The following DOCK4 variants were observed in gnomAD, a reference collection of about 807,000 sequenced individuals.
DOCK4 encodes dedicator of cytokinesis 4.
DOCK4 carries 97 observed loss-of-function variants against 268.1 expected under a neutral mutation model. The ratio of observed to expected loss-of-function variants is 0.36; its 90% CI spans 0.31 to 0.43. The LOEUF is 0.43. DOCK4 is among the 20% of genes least tolerant of loss of function. The pLI is 1.00. For missense variants in DOCK4, 2,145 were observed against 2,455.7 expected (o/e 0.87, Z 2.67); for synonymous variants, 954 against 887.2 (o/e 1.08, Z -1.34).
At chr7:111,757,424 A>T (rs75523338) in intron 41 of DOCK4, among the ~76,000 whole-genome samples, 3,833 of 152,242 alleles carry the variant, frequency 0.025, 78 homozygotes, top group African/African-American at 0.052. Context: ...TCTGACTATG[A>T]TTTCACTAAA....
intron 8 of DOCK4, 113 bp downstream of exon 8, chr7:111,977,019 T>C (rs1798254904): frequency 1.6e-6 from 2 of 1,269,048 alleles, no homozygotes; most frequent in East Asian, 2.6e-5. Flanking sequence ...GGTGAGAAAA[T>C]TGAAGCTGAC....
chr7:111,977,973 T>TGAGTTCCCACAGGTTGAGGGAGA (rs1156438517), intron 7 of DOCK4, among the ~76,000 whole-genome samples: 1 of 152,176 alleles, frequency 6.6e-6, no homozygotes, highest in Admixed American at 6.5e-5. Context: ...AGACAAGATG[T>TGAGTTCCCACAGGTTGAGGGAGA]GAGTTCCCAC....
intron 41 of DOCK4, among the ~76,000 whole-genome samples, chr7:111,756,282 G>A (rs1797012733): frequency 6.6e-6 from 1 of 152,266 alleles, no homozygotes; most frequent in Admixed American, 6.5e-5. Context: ...TTGGGAGGTG[G>A]AGCTTGCAGT....
chr7:111,743,923 G>A (rs1430343374), intron 44 of DOCK4, among the ~76,000 whole-genome samples: 4 of 152,170 alleles, frequency 2.6e-5, no homozygotes, highest in Non-Finnish European at 5.9e-5. Flanking sequence ...GGGCTAAGGT[G>A]ATCCTCCCAC....
intron 36 of DOCK4, among the ~76,000 whole-genome samples, chr7:111,771,534 A>G (rs1798125611): frequency 1.3e-5 from 2 of 152,328 alleles, no homozygotes; most frequent in South Asian, 2.1e-4. Context: ...CTGAATCACC[A>G]TAACATAGGT....
chr7:111,881,369 C>T (rs773566400), intron 16 of DOCK4, among the ~76,000 whole-genome samples: 3 of 152,120 alleles, frequency 2.0e-5, no homozygotes, highest in African/African-American at 7.2e-5. Flanking sequence ...AAAACTACAA[C>T]GAGATATCAT....
At chr7:111,729,113 T>C (rs1794882979) in intron 52 of DOCK4, among the ~76,000 whole-genome samples, 1 of 152,206 alleles carries the variant, frequency 6.6e-6, no homozygotes, top group South Asian at 2.1e-4. Context: ...TGTGGTATTT[T>C]GTGAGGGAAG....
intron 17 of DOCK4, among the ~76,000 whole-genome samples, chr7:111,876,463 T>C (rs150868913): frequency 1.3e-4 from 20 of 152,270 alleles, no homozygotes; most frequent in African/African-American, 4.6e-4. Flanking sequence ...TTATTTAATA[T>C]AGCATTCGGG....
At chr7:112,100,062 T>G (rs1326038608) in intron 1 of DOCK4, among the ~76,000 whole-genome samples, 1 of 152,178 alleles carries the variant, frequency 6.6e-6, no homozygotes, top group African/African-American at 2.4e-5. Flanking sequence ...TTAACAAAAA[T>G]AAATTCTGAC....
intron 13 of DOCK4, among the ~76,000 whole-genome samples, chr7:111,913,864 AG>A (rs1221792004): frequency 3.3e-5 from 5 of 152,156 alleles, no homozygotes; most frequent in African/African-American, 1.2e-4. Flanking sequence ...CCTGGACAAC[AG>A]AGTGAGACCC....
At chr7:112,150,523 G>T (rs948243604) in intron 1 of DOCK4, among the ~76,000 whole-genome samples, 2 of 152,102 alleles carry the variant, frequency 1.3e-5, no homozygotes, top group African/African-American at 4.8e-5. Context: ...CTGAGACAAA[G>T]CCCACCTATT....
intron 1 of DOCK4, among the ~76,000 whole-genome samples, chr7:112,172,395 T>C (rs1818164347): frequency 6.6e-6 from 1 of 152,168 alleles, no homozygotes; most frequent in South Asian, 2.1e-4. Flanking sequence ...GAGAAAGGAA[T>C]TTGGGCCATA....
intron 40 of DOCK4, among the ~76,000 whole-genome samples, chr7:111,759,399 T>C (rs1238062693): frequency 2.6e-5 from 4 of 152,080 alleles, no homozygotes; most frequent in African/African-American, 9.7e-5. Flanking sequence ...ATTAAAGGAG[T>C]ATCATATTAA....
intron 12 of DOCK4, among the ~76,000 whole-genome samples, chr7:111,929,998 C>T (rs184068912): frequency 1.3e-4 from 20 of 152,296 alleles, no homozygotes; most frequent in Admixed American, 1.1e-3. Context: ...TTGGCTCAGT[C>T]TAATGTCACA....
intron 23 of DOCK4, 37 bp downstream of exon 23, chr7:111,863,335 T>C (rs1805707563): frequency 1.2e-6 from 2 of 1,612,940 alleles, no homozygotes; most frequent in African/African-American, 1.3e-5. Flanking sequence ...AAAATGGCTT[T>C]TCAGAGGCAC....
intron 23 of DOCK4, among the ~76,000 whole-genome samples, chr7:111,850,550 C>T (rs565750280): frequency 3.0e-4 from 46 of 152,252 alleles, no homozygotes; most frequent in African/African-American, 1.1e-3. Flanking sequence ...CATATATAAA[C>T]AGATGGCCTG....
chr7:112,183,991 C>T (rs545418386), intron 1 of DOCK4, among the ~76,000 whole-genome samples: 13 of 152,258 alleles, frequency 8.5e-5, no homozygotes, highest in African/African-American at 3.1e-4. Flanking sequence ...GGTCTGAGGG[C>T]CCCTTCCTCT....
At chr7:112,022,501 C>T (rs773195823) in intron 1 of DOCK4, among the ~76,000 whole-genome samples, 15 of 152,178 alleles carry the variant, frequency 9.9e-5, no homozygotes, top group Non-Finnish European at 2.9e-5. Flanking sequence ...CAGGCTTCTG[C>T]ATAGGTGGGT....
rs562658762 is a variant in DOCK4 at position 111,744,521 on chromosome 7, G to A, written c.4677+1813C>T. 5.3e-5 allele frequency among the ~76,000 whole-genome samples: 8 copies of A among 152,260 alleles called. No homozygotes were observed. The South Asian group carries it at 6.2e-4, about 12-fold the overall frequency. ...AAGGTTTCAGGAACATAAGCAGGAC[G>A]TAGAAGAAATAAAGGTTCCCTGGTT... On this transcript the variant is annotated intron_variant, in intron 44 of 52. Transcript: ENST00000428084.
Sources: allele counts gnomAD v4.1 joint callset (sites outside exome capture counted in the v4.1 genomes callset), GRCh38; gene constraint gnomAD v4.1.1; transcripts MANE v1.5; gene names NCBI Gene and HGNC (gene_info 2026-07-23, HGNC 2026-07-21).